HOMER2: variants seen among roughly 807,000 people sequenced by gnomAD.
HOMER2 encodes homer protein homolog 2.
In HOMER2, 27 loss-of-function variants were observed where a neutral mutation model predicts 47.0. The observed-to-expected ratio is 0.57, with a 90% CI of 0.42 to 0.79. The LOEUF (loss-of-function observed/expected upper bound fraction) is 0.79, where lower values mean the gene tolerates loss of function less well. Among genes scored for constraint, HOMER2 ranks in the 30% least tolerant of loss-of-function variants. The pLI is 0.00. For synonymous variants in HOMER2, 161 were observed against 163.8 expected (o/e 0.98, Z 0.13); for missense variants, 443 against 435.0 (o/e 1.02, Z -0.16).
At chr15:82,917,075 C>T (rs1386852729) in intron 1 of HOMER2, among the ~76,000 whole-genome samples, 1 of 151,884 alleles carries the variant, frequency 6.6e-6, no homozygotes, top group African/African-American at 2.4e-5. Flanking sequence ...GCTGGGATTA[C>T]AGGTGTGAGC....
intron 1 of HOMER2, among the ~76,000 whole-genome samples, chr15:82,920,346 A>G (rs1311048898): frequency 6.6e-6 from 1 of 152,178 alleles, no homozygotes; most frequent in Non-Finnish European, 1.5e-5. Flanking sequence ...GCTGTACCAA[A>G]TTCCCACAAA....
intron 1 of HOMER2, among the ~76,000 whole-genome samples, chr15:82,912,235 G>C (rs535095324): frequency 2.3e-4 from 35 of 152,186 alleles, no homozygotes; most frequent in African/African-American, 7.0e-4. Context: ...GTACTCATTA[G>C]CAATCATTCT....
At chr15:82,977,743 T>C (rs1258381479) in intron 1 of HOMER2, among the ~76,000 whole-genome samples, 4 of 152,108 alleles carry the variant, frequency 2.6e-5, no homozygotes, top group African/African-American at 9.7e-5. Flanking sequence ...GGTTATCTGA[T>C]AAAAGGGAGT....
chr15:82,928,832 A>G (rs1300523521), intron 1 of HOMER2, among the ~76,000 whole-genome samples: 2 of 151,522 alleles, frequency 1.3e-5, no homozygotes, highest in African/African-American at 4.9e-5. Flanking sequence ...CCAGTCCCGA[A>G]AACCACATCA....
At chr15:82,912,467 T>C (rs1330549666) in intron 1 of HOMER2, among the ~76,000 whole-genome samples, 2 of 151,588 alleles carry the variant, frequency 1.3e-5, no homozygotes, top group African/African-American at 2.4e-5. Flanking sequence ...GATATATCAC[T>C]TTTTTTTTAA....
exon 2 of HOMER2, chr15:82,843,292 T>C (rs2051195291): frequency 6.6e-6 from 1 of 151,268 alleles, no homozygotes; most frequent in Admixed American, 6.6e-5. Flanking sequence ...AACAAAAAGT[T>C]ACCTGGGCGT....
At chr15:82,953,814 C>A (rs2054555711), upstream of HOMER2, among the ~76,000 whole-genome samples, 4 of 152,232 alleles carry the variant, frequency 2.6e-5, no homozygotes, top group South Asian at 6.2e-4. Flanking sequence ...ACCTGGAAGG[C>A]GGATCTTGTA....
chr15:82,953,982 C>A (rs2054558564), upstream of HOMER2, among the ~76,000 whole-genome samples: 1 of 152,136 alleles, frequency 6.6e-6, no homozygotes. Context: ...AGGCTTGATG[C>A]AGGAGAATCG....
intron 1 of HOMER2, among the ~76,000 whole-genome samples, chr15:82,918,968 C>T (rs117861312): frequency 0.011 from 1,635 of 152,278 alleles, 8 homozygotes; most frequent in Non-Finnish European, 0.016. Flanking sequence ...CTTAAAGAAG[C>T]GTTTTTTTCT....
intron 1 of HOMER2, among the ~76,000 whole-genome samples, chr15:82,940,466 G>T (rs1260938846): frequency 6.6e-6 from 1 of 152,194 alleles, no homozygotes; most frequent in African/African-American, 2.4e-5. Flanking sequence ...TGCATGGGCT[G>T]GGCGTGGTGG....
At chr15:82,857,129 T>TA (rs2051611856) in intron 5 of HOMER2, among the ~76,000 whole-genome samples, 2 of 151,842 alleles carry the variant, frequency 1.3e-5, no homozygotes, top group Admixed American at 1.3e-4. Flanking sequence ...TGTTGAGAGG[T>TA]AACTAGGATT....
At chr15:82,906,822 C>CA (rs2053300019) in intron 1 of HOMER2, among the ~76,000 whole-genome samples, 1 of 152,136 alleles carries the variant, frequency 6.6e-6, no homozygotes, top group Non-Finnish European at 1.5e-5. Flanking sequence ...AGTCAAAAGA[C>CA]AGCAGGAGTA....
intron 5 of HOMER2, 56 bp downstream of exon 5, chr15:82,858,973 T>C: frequency 6.4e-7 from 1 of 1,572,264 alleles, no homozygotes; most frequent in Non-Finnish European, 8.7e-7. Context: ...AAGAAAGGCT[T>C]CTAGGGAAGT....
chr15:82,969,635 A>C (rs2029916586), intron 1 of HOMER2, among the ~76,000 whole-genome samples: 1 of 152,198 alleles, frequency 6.6e-6, no homozygotes, highest in Non-Finnish European at 1.5e-5. Context: ...AGCTACAATA[A>C]ATGTTTACTT....
At chr15:82,840,887 CAA>C (rs2051170054) in exon 2 of HOMER2, 2 of 150,940 alleles carry the variant, frequency 1.3e-5, no homozygotes, top group African/African-American at 4.9e-5. Flanking sequence ...ATAAAAACTT[CAA>C]AGAGCAAAAA....
chr15:82,837,197 G>A (rs920532716), exon 2 of HOMER2: 46 of 152,232 alleles, frequency 3.0e-4, no homozygotes, highest in African/African-American at 1.1e-3. Context: ...TCTGACCCAA[G>A]GAAAGGTTCT....
intron 4 of HOMER2, among the ~76,000 whole-genome samples, chr15:82,860,630 C>T (rs1300535994): frequency 6.6e-6 from 1 of 152,032 alleles, no homozygotes; most frequent in Non-Finnish European, 1.5e-5. Flanking sequence ...TATTTAATCT[C>T]ACTAGTAAAG....
chr15:82,875,947 G>A (rs562757749), intron 2 of HOMER2, among the ~76,000 whole-genome samples: 7 of 152,358 alleles, frequency 4.6e-5, no homozygotes, highest in African/African-American at 1.7e-4. Context: ...TTATACGGGT[G>A]TGAGTGGGGT....
intron 1 of HOMER2, among the ~76,000 whole-genome samples, chr15:82,912,946 C>T (rs1049133411): frequency 6.6e-6 from 1 of 152,192 alleles, no homozygotes; most frequent in Non-Finnish European, 1.5e-5. Context: ...AGGAGGGAAC[C>T]TCACACACTA....
Sources: allele counts gnomAD v4.1 joint callset (sites outside exome capture counted in the v4.1 genomes callset), GRCh38; gene constraint gnomAD v4.1.1; transcripts MANE v1.5; gene names NCBI Gene and HGNC (gene_info 2026-07-23, HGNC 2026-07-21).